XPO6: variants seen among roughly 807,000 people sequenced by gnomAD.
The protein encoded by XPO6 is exportin-6.
Under a neutral mutation model 130.0 loss-of-function variants are expected in XPO6, and 3 were observed. The ratio of observed to expected loss-of-function variants is 0.02; its 90% CI spans 0.01 to 0.06. XPO6 has a LOEUF of 0.06. Ranked by LOEUF, XPO6 falls within the 10% of genes least tolerant of loss-of-function variation. The probability of loss-of-function intolerance (pLI) is 1.00; values close to 1 mark genes in which losing one functional copy is unlikely to be tolerated. For missense variants in XPO6, 970 were observed against 1,393.0 expected (o/e 0.70, Z 4.83); for synonymous variants, 524 against 548.9 (o/e 0.95, Z 0.63).
At chr16:28,125,907 A>AT in intron 12 of XPO6, 59 bp from the exon 13 acceptor site, 1 of 1,563,384 alleles carries the variant, frequency 6.4e-7, no homozygotes, top group South Asian at 1.2e-5. Context: ...GATACTACAG[A>AT]TAACAGCTGG....
At chr16:28,108,470 C>A in intron 17 of XPO6, among the ~76,000 whole-genome samples, 1 of 152,186 alleles carries the variant, frequency 6.6e-6, no homozygotes, top group East Asian at 1.9e-4. Context: ...TCTGGCAGTG[C>A]TGCAGTGGGG....
In XPO6 at chr16:28,179,586, C is replaced by T. The variant is rs114431542; in HGVS notation, c.94+1355G>A. Among the ~76,000 whole-genome samples the T allele has an allele frequency of 9.9e-3, 1,502 of 152,266 alleles. 32 individuals are homozygous for T. Among genetic ancestry groups the T allele is most frequent in the African/African-American group, 0.034 (1,430 of 41,536 alleles). ...TGTTTCCTCCACTCTACAATGACCA[C>T]ATGGTCTCGAGGTCCCTGCTAACAG... On this transcript the variant is annotated intron_variant, in intron 2 of 23. Transcript: ENST00000304658.
intron 8 of XPO6, among the ~76,000 whole-genome samples, chr16:28,150,076 C>T (rs1490203269): frequency 6.6e-6 from 1 of 152,238 alleles, no homozygotes; most frequent in East Asian, 1.9e-4. Context: ...CAGCAAAGGG[C>T]TGTCTGCCCT....
intron 7 of XPO6, chr16:28,153,995 G>A (rs1374876278): frequency 1.0e-6 from 1 of 985,102 alleles, no homozygotes; most frequent in African/African-American, 1.7e-5. Context: ...ATATTAATTT[G>A]TTTTGATAAA....
intron 9 of XPO6, among the ~76,000 whole-genome samples, chr16:28,142,158 T>C (rs1370365026): frequency 2.0e-5 from 3 of 152,242 alleles, no homozygotes; most frequent in Non-Finnish European, 4.4e-5. Context: ...TTTTGACTAC[T>C]TCCTGCAAGA....
chr16:28,118,866 C>G (rs1419841255), intron 14 of XPO6, among the ~76,000 whole-genome samples: 3 of 152,178 alleles, frequency 2.0e-5, no homozygotes, highest in Admixed American at 6.5e-5. Context: ...CATCACCCCC[C>G]CAGACTTGAG....
At chr16:28,183,331 G>A (rs1349787327) in intron 1 of XPO6, 4 of 151,292 alleles carry the variant, frequency 2.6e-5, no homozygotes, top group Admixed American at 2.0e-4. Context: ...TGGCCCAAAG[G>A]TACTGAGTTA....
At chr16:28,160,184 TAAAAAAAAA>T (rs56947792) in intron 6 of XPO6, among the ~76,000 whole-genome samples, 6 of 76,128 alleles carry the variant, frequency 7.9e-5, no homozygotes, top group Non-Finnish European at 9.2e-5. Flanking sequence ...GCCTCCGTCT[TAAAAAAAAA>T]AAAAAAAAAA....
chr16:28,205,758 C>A (rs535840626), intron 1 of XPO6, among the ~76,000 whole-genome samples: 45 of 152,182 alleles, frequency 3.0e-4, no homozygotes, highest in African/African-American at 1.1e-3. Flanking sequence ...TGCCTTTAAG[C>A]CAGGCATGGT....
At chr16:28,105,489 G>A (rs1436438161) in intron 20 of XPO6, among the ~76,000 whole-genome samples, 1 of 152,196 alleles carries the variant, frequency 6.6e-6, no homozygotes, top group Non-Finnish European at 1.5e-5. Context: ...ATTTCGTAAT[G>A]CACAGCAACC....
chr16:28,142,634 G>A (rs772969231), intron 9 of XPO6, among the ~76,000 whole-genome samples: 2 of 152,150 alleles, frequency 1.3e-5, no homozygotes, highest in Non-Finnish European at 2.9e-5. Flanking sequence ...GCAATGGCAT[G>A]ATCATAGCTC....
chr16:28,164,138 C>A (rs1412593645), intron 6 of XPO6, among the ~76,000 whole-genome samples: 3 of 152,078 alleles, frequency 2.0e-5, no homozygotes, highest in Admixed American at 6.6e-5. Flanking sequence ...GGGAAAAAAA[C>A]CCCACAAGCC....
intron 12 of XPO6, among the ~76,000 whole-genome samples, chr16:28,128,023 C>G (rs569756869): frequency 6.6e-6 from 1 of 152,150 alleles, no homozygotes; most frequent in African/African-American, 2.4e-5. Flanking sequence ...GACGAACTCA[C>G]GGAACCAATG....
intron 15 of XPO6, among the ~76,000 whole-genome samples, chr16:28,116,387 G>A (rs13331586): frequency 0.026 from 3,912 of 151,800 alleles, 130 homozygotes; most frequent in African/African-American, 0.082. Context: ...GCGTGAACCC[G>A]GGAGACGGAG....
chr16:28,158,356 T>G (rs1171038911), intron 6 of XPO6, among the ~76,000 whole-genome samples: 1 of 152,306 alleles, frequency 6.6e-6, no homozygotes, highest in South Asian at 2.1e-4. Context: ...CTACATCACA[T>G]GGGATATTGC....
At chr16:28,155,323 A>G (rs181187633) in intron 7 of XPO6, among the ~76,000 whole-genome samples, 5 of 152,276 alleles carry the variant, frequency 3.3e-5, no homozygotes, top group Non-Finnish European at 5.9e-5. Flanking sequence ...TGTTCATAAT[A>G]TAAGTTTCCA....
intron 6 of XPO6, among the ~76,000 whole-genome samples, chr16:28,163,166 A>T (rs1367321318): frequency 6.6e-6 from 1 of 152,234 alleles, no homozygotes; most frequent in Non-Finnish European, 1.5e-5. Context: ...ACTCTATTCA[A>T]GGAGCCCCTG....
chr16:28,176,831 G>T (rs2043542357), intron 3 of XPO6, among the ~76,000 whole-genome samples: 1 of 151,956 alleles, frequency 6.6e-6, no homozygotes. Flanking sequence ...TTTTAAAGGG[G>T]GGCACAGAAG....
Position 28,106,592 on chromosome 16 carries a change from A to G in XPO6, c.2498-95T>C, listed in dbSNP as rs2086787880. 1.1e-6 allele frequency: 1 copy of G among 932,810 alleles called. No individual in the cohort carries two copies. The highest frequency in any genetic ancestry group is 1.7e-6 in the Non-Finnish European group (1 of 585,980). The allele number at this position is 932,810 out of a possible 1,614,324, so 57.8% of individuals were successfully genotyped here. ...ACCTACTCCTGAAATCTGCACTATC[A>G]GCTTTCTCTACAGCTTCCTGCTGGA... is the stretch of plus-strand genomic sequence containing the variant. On this transcript the variant is annotated intron_variant, in intron 18 of 23. Coordinates refer to ENST00000304658, the MANE Select transcript of XPO6 (RefSeq NM_015171.4). The surrounding 1 kb of genome is among the most constrained non-coding windows in gnomAD (Gnocchi z 4.2).
Sources: gnomAD v4.1 joint callset for allele counts (sites outside exome capture counted in the v4.1 genomes callset) on GRCh38, gnomAD v4.1.1 for gene constraint, Gnocchi (gnomAD v3.1) non-coding constraint, MANE v1.5 for transcripts, NCBI Gene and HGNC (gene_info 2026-07-23, HGNC 2026-07-21) for gene names.